Variants in SBF2 observed in about 807,000 individuals in gnomAD.
SBF2 encodes the protein myotubularin-related protein 13.
SBF2 carries 112 observed loss-of-function variants against 225.2 expected under a neutral mutation model. The observed-to-expected ratio is 0.50, with a 90% confidence interval of 0.43 to 0.58. SBF2 has a LOEUF of 0.58. Ranked by LOEUF, SBF2 falls within the 20% of genes least tolerant of loss-of-function variation. The pLI is 0.00. For missense variants in SBF2, 1,996 were observed against 2,206.2 expected (o/e 0.90, Z 1.91); for synonymous variants, 763 against 773.3 (o/e 0.99, Z 0.22).
At chr11:9,922,226 G>A (rs1384018502) in intron 16 of SBF2, among the ~76,000 whole-genome samples, 2 of 151,732 alleles carry the variant, frequency 1.3e-5, no homozygotes, top group African/African-American at 2.4e-5. Context: ...CTCCAGCCTG[G>A]GAAACAGAGC....
At chr11:9,829,316 A>C in intron 28 of SBF2, 40 bp downstream of exon 28, 2 of 1,606,784 alleles carry the variant, frequency 1.2e-6, no homozygotes, top group Non-Finnish European at 1.7e-6. Context: ...CTGACCTTTC[A>C]TTAGAAGCTG....
At chr11:9,980,589 ATTT>A (rs547262918) in intron 13 of SBF2, among the ~76,000 whole-genome samples, 1 of 145,506 alleles carries the variant, frequency 6.9e-6, no homozygotes, top group Non-Finnish European at 1.5e-5. Flanking sequence ...GAACTTAAGA[ATTT>A]TTTTTTTTTT....
At position 10,050,646 on chromosome 11, in the gene SBF2, G is replaced by A. The variant is rs560562340; in HGVS notation, c.142-7665C>T. On this transcript the variant is annotated intron_variant, in intron 2 of 39. Coordinates refer to ENST00000256190, the MANE Select transcript of SBF2 (RefSeq NM_030962.4). ...ATGTGAGATGATTTAATGCCTCTGTGATGAGATGAAAGGTGAATGACATAA... is the reference window on the plus strand; with the variant it reads ...ATGTGAGATGATTTAATGCCTCTGTAATGAGATGAAAGGTGAATGACATAA... Among the ~76,000 whole-genome samples the A allele has an allele frequency of 1.2e-4, 18 of 152,244 alleles. 1 individual carries two copies. The highest frequency in any genetic ancestry group is 2.5e-4 in the Non-Finnish European group (17 of 67,974).
At chr11:9,841,077 T>G (rs1346994503) in intron 25 of SBF2, among the ~76,000 whole-genome samples, 2 of 152,210 alleles carry the variant, frequency 1.3e-5, no homozygotes, top group Admixed American at 1.3e-4. Flanking sequence ...AAAGTACTAA[T>G]GTGCAGGCAA....
intron 2 of SBF2, among the ~76,000 whole-genome samples, chr11:10,144,773 T>G (rs969628022): frequency 2.0e-5 from 3 of 152,202 alleles, no homozygotes; most frequent in Non-Finnish European, 2.9e-5. Flanking sequence ...GGGAAGAAGT[T>G]TAGACCTATT....
intron 32 of SBF2, among the ~76,000 whole-genome samples, chr11:9,801,290 G>T (rs1474639598): frequency 6.6e-6 from 1 of 152,112 alleles, no homozygotes; most frequent in East Asian, 1.9e-4. Flanking sequence ...TTCCGTTATG[G>T]AGTGAAACTT....
chr11:10,218,909 T>C (rs1591240608), intron 1 of SBF2, among the ~76,000 whole-genome samples: 1 of 152,234 alleles, frequency 6.6e-6, no homozygotes, highest in South Asian at 2.1e-4. Context: ...TCCTGTGGCT[T>C]TGCAGGGTAT....
At chr11:10,028,615 A>C in intron 5 of SBF2, 58 bp from the exon 6 acceptor site, 1 of 1,118,324 alleles carries the variant, frequency 8.9e-7, no homozygotes, top group Non-Finnish European at 1.4e-6. Context: ...TTTTTTAAAA[A>C]ATAAAAATAC....
intron 16 of SBF2, among the ~76,000 whole-genome samples, chr11:9,954,936 T>C (rs1358939982): frequency 1.3e-5 from 2 of 152,060 alleles, no homozygotes; most frequent in African/African-American, 4.8e-5. Context: ...ATTAGGAAAT[T>C]GCCTGACTTT....
chr11:10,052,747 A>C (rs61877052), intron 2 of SBF2, among the ~76,000 whole-genome samples: 4,287 of 152,244 alleles, frequency 0.028, 115 homozygotes, highest in Non-Finnish European at 0.038. Context: ...CACAAGACTC[A>C]TTCTACAAAC....
chr11:10,026,433 A>G (rs1949058584), intron 6 of SBF2, among the ~76,000 whole-genome samples: 1 of 152,140 alleles, frequency 6.6e-6, no homozygotes, highest in Admixed American at 6.6e-5. Context: ...CCATGAATCT[A>G]CTAAATTTAC....
At chr11:9,992,950 TATA>T (rs764155798) in intron 11 of SBF2, 37 bp downstream of exon 11, 1 of 1,371,458 alleles carries the variant, frequency 7.3e-7, no homozygotes, top group Non-Finnish European at 1.0e-6. Flanking sequence ...TAAATTAGAA[TATA>T]TTTTTTGGAC....
At chr11:9,989,804 AT>A (rs2134460064) in intron 12 of SBF2, among the ~76,000 whole-genome samples, 1 of 152,288 alleles carries the variant, frequency 6.6e-6, no homozygotes, top group South Asian at 2.1e-4. Flanking sequence ...CTCCCTGAGG[AT>A]TTAGGGCCCT....
chr11:10,137,546 T>G (rs1349787090), intron 2 of SBF2, among the ~76,000 whole-genome samples: 1 of 152,214 alleles, frequency 6.6e-6, no homozygotes, highest in Admixed American at 6.5e-5. Context: ...TAGCTGTTCT[T>G]TATCAAGCTG....
At chr11:10,161,020 C>G (rs1955703998) in intron 2 of SBF2, among the ~76,000 whole-genome samples, 2 of 151,932 alleles carry the variant, frequency 1.3e-5, no homozygotes. Context: ...AACCCCATCT[C>G]TACTAAAAAT....
chr11:10,241,022 T>G (rs181423584), intron 1 of SBF2, among the ~76,000 whole-genome samples: 5 of 152,116 alleles, frequency 3.3e-5, no homozygotes, highest in African/African-American at 9.7e-5. Context: ...CAGATTAGAG[T>G]GCTTAAAAAA....
chr11:9,972,756 C>T (rs1946521382), intron 13 of SBF2, among the ~76,000 whole-genome samples: 1 of 152,234 alleles, frequency 6.6e-6, no homozygotes. Flanking sequence ...GCTGGGATTA[C>T]AGGCGTAAGC....
chr11:10,211,708 G>A (rs755824242), intron 1 of SBF2, among the ~76,000 whole-genome samples: 7 of 152,174 alleles, frequency 4.6e-5, no homozygotes, highest in Non-Finnish European at 8.8e-5. Flanking sequence ...TGATGGCACA[G>A]AGCCAAAATA....
At chr11:10,120,517 T>A (rs1311332923) in intron 2 of SBF2, among the ~76,000 whole-genome samples, 3 of 152,244 alleles carry the variant, frequency 2.0e-5, no homozygotes, top group Non-Finnish European at 4.4e-5. Context: ...GGACCCTTCA[T>A]ACTGTTTCCC....
Sources: gnomAD v4.1 joint callset for allele counts (sites outside exome capture counted in the v4.1 genomes callset) on GRCh38, gnomAD v4.1.1 for gene constraint, MANE v1.5 for transcripts, NCBI Gene and HGNC (gene_info 2026-07-23, HGNC 2026-07-21) for gene names.